The following TM2D1 variants were observed in gnomAD, a reference collection of about 807,000 sequenced individuals.
The protein encoded by TM2D1 is TM2 domain containing 1, also known as TM2 domain-containing protein 1.
A neutral mutation model predicts 28.4 loss-of-function variants in TM2D1; 15 were observed. The ratio of observed to expected loss-of-function variants is 0.53; its 90% CI spans 0.35 to 0.81. The LOEUF (loss-of-function observed/expected upper bound fraction) is 0.81. Among genes scored for constraint, TM2D1 ranks in the 40% least tolerant of loss-of-function variants. TM2D1 has a pLI of 0.01. For missense variants in TM2D1, 236 were observed against 254.9 expected, an observed-to-expected ratio of 0.93 and a Z score of 0.50; for synonymous variants, 93 against 96.2, an observed-to-expected ratio of 0.97 and a Z score of 0.20.
chr1:61,723,724 T>C lies in TM2D1; in HGVS notation c.227A>G (p.Tyr76Cys). 1 of 1,545,144 alleles carries C rather than the reference T, an allele frequency of 6.5e-7. No homozygotes were observed. Among genetic ancestry groups the C allele is most frequent in the Non-Finnish European group, 8.8e-7 (1 of 1,135,980 alleles). The change falls in exon 2 of 7, where the codon TAC (tyrosine) becomes TGC (cysteine). Residue 76 changes from tyrosine (Y) to cysteine (C), a missense_variant. By Grantham distance (194) the Tyr-to-Cys change is radical (BLOSUM62 -2). Transcript: ENST00000606498. ...ATQEPVNCTN[Y>C]TAHVSCFPAP... ...TCTTGAAGTCTTACCATGAGCTGTG[T>C]AGTTTGTACAGTTAACTGGTTCTTG...
chr1:61,719,260 G>C (rs1413977074), intron 2 of TM2D1, among the ~76,000 whole-genome samples: 1 of 152,070 alleles, frequency 6.6e-6, no homozygotes, highest in Non-Finnish European at 1.5e-5. Flanking sequence ...ACATAGCCCA[G>C]GCTGGTCTAG....
At chr1:61,704,611 C>T (rs1644427757) in intron 3 of TM2D1, among the ~76,000 whole-genome samples, 1 of 151,450 alleles carries the variant, frequency 6.6e-6, no homozygotes, top group African/African-American at 2.4e-5. Context: ...TTTGTATTTT[C>T]AGTAGAGACA....
At chr1:61,687,841 A>T (rs965566164) in intron 5 of TM2D1, among the ~76,000 whole-genome samples, 4 of 152,222 alleles carry the variant, frequency 2.6e-5, no homozygotes, top group Non-Finnish European at 4.4e-5. Context: ...ATCTGGTGAT[A>T]AAAGTAAAAG....
intron 5 of TM2D1, among the ~76,000 whole-genome samples, chr1:61,691,932 A>AAATATAT: frequency 3.9e-5 from 3 of 76,414 alleles, no homozygotes; most frequent in African/African-American, 9.5e-5. Context: ...AAAAAAAAAA[A>AAATATAT]ATATATATAT....
rs74076138 is a variant in TM2D1, at chr1:61,694,869, C to T, written c.440-99G>A. On this transcript the variant is annotated intron_variant, in intron 4 of 6. Transcript: ENST00000606498. ...AAACCATTATTATATATATATATCA[C>T]ACTCTTTATATCAAGAACATAAAAG... is the stretch of plus-strand genomic sequence containing the variant. The T allele has an allele frequency of 5.3e-3, 3,110 of 584,136 alleles. 79 individuals are homozygous for T. In the African/African-American group the frequency reaches 0.054, roughly 10 times the overall value. The allele number at this position is 584,136 out of a possible 1,614,324, so 36.2% of individuals were successfully genotyped here. A position where few individuals can be genotyped will look rare whatever the true frequency, so the allele number is the denominator to read the frequency against.
At chr1:61,721,322 A>C (rs1570132420) in intron 2 of TM2D1, among the ~76,000 whole-genome samples, 1 of 152,066 alleles carries the variant, frequency 6.6e-6, no homozygotes, top group Non-Finnish European at 1.5e-5. Context: ...CAGGTGGATC[A>C]CCTGAGGTCA....
chr1:61,696,080 T>G (rs566361651), intron 4 of TM2D1: 74 of 152,334 alleles, frequency 4.9e-4, no homozygotes, highest in African/African-American at 1.8e-3. Flanking sequence ...TAAAAACTCC[T>G]TTAGTTTTTT....
At chr1:61,701,799 C>G (rs1644403684) in intron 3 of TM2D1, among the ~76,000 whole-genome samples, 1 of 151,914 alleles carries the variant, frequency 6.6e-6, no homozygotes, top group Admixed American at 6.6e-5. Context: ...ATCTAATGGG[C>G]AGTAACAGTG....
chr1:61,708,852 A>C (rs1409213973), intron 3 of TM2D1, among the ~76,000 whole-genome samples: 2 of 150,976 alleles, frequency 1.3e-5, no homozygotes, highest in Admixed American at 6.6e-5. Context: ...GGTGAATTGC[A>C]TTTATAAAAA....
chr1:61,685,448 C>T (rs1320690523), intron 5 of TM2D1, among the ~76,000 whole-genome samples: 3 of 152,108 alleles, frequency 2.0e-5, no homozygotes, highest in Non-Finnish European at 4.4e-5. Context: ...AAGGACATTG[C>T]TATAAAGCAT....
chr1:61,717,713 A>T (rs554026253), intron 2 of TM2D1, among the ~76,000 whole-genome samples: 2 of 152,280 alleles, frequency 1.3e-5, no homozygotes, highest in East Asian at 3.9e-4. Flanking sequence ...AGCCAGGATT[A>T]CAGGCACACA....
chr1:61,707,451 A>C (rs1192722168), intron 3 of TM2D1, among the ~76,000 whole-genome samples: 1 of 152,144 alleles, frequency 6.6e-6, no homozygotes, highest in Non-Finnish European at 1.5e-5. Context: ...TCAACAGATG[A>C]TTTTCTTACT....
chr1:61,700,852 C>A (rs1644395544), intron 4 of TM2D1, 82 bp downstream of exon 4: 1 of 981,798 alleles, frequency 1.0e-6, no homozygotes, highest in Non-Finnish European at 1.5e-6. Flanking sequence ...AATAAATACA[C>A]AGAGATTTAA....
chr1:61,699,519 C>T lies in TM2D1; in HGVS notation c.439+1415G>A, dbSNP rs575673958. Reference sequence around the variant, plus strand: ...CACCTCCTGCATTGTTCTTCCTACACGATCAGCTAAATTGTCCCCTAATCT... The same window carrying T: ...CACCTCCTGCATTGTTCTTCCTACATGATCAGCTAAATTGTCCCCTAATCT... On this transcript the variant is annotated intron_variant, in intron 4 of 6. Transcript: ENST00000606498. 2.0e-5 allele frequency: 3 copies of T among 152,358 alleles called. No individual in the cohort carries two copies. The East Asian group carries it at 5.8e-4, about 29-fold the overall frequency. The allele number at this position is 152,358 out of a possible 1,614,324, so 9.4% of individuals were successfully genotyped here.
chr1:61,690,185 A>T (rs149491512), intron 5 of TM2D1, among the ~76,000 whole-genome samples: 11 of 152,300 alleles, frequency 7.2e-5, no homozygotes, highest in Middle Eastern at 3.4e-3. Flanking sequence ...GGCCATGCAC[A>T]GTGGCTAATG....
chr1:61,710,495 T>TACAC (rs1327083759), intron 2 of TM2D1, among the ~76,000 whole-genome samples: 16 of 81,576 alleles, frequency 2.0e-4, no homozygotes, highest in African/African-American at 8.3e-4. Context: ...CACACACATA[T>TACAC]ACACACATAC....
In TM2D1 at chr1:61,710,489, CACAT is replaced by C. The variant is rs1261591877; in HGVS notation, c.239-1056_239-1053del. Among the ~76,000 whole-genome samples, 266 of 90,380 alleles carry C rather than the reference CACAT, an allele frequency of 2.9e-3. 1 individual carries two copies. The highest frequency in any genetic ancestry group is 0.027 in the East Asian group (54 of 2,000). The allele number at this position is 90,380 out of a possible 152,430, so 59.3% of individuals were successfully genotyped here. Reference sequence around the variant, plus strand: ...ATATATATATATACACACACACACACACATATACACACATACACACACACACACA... The same window carrying C: ...ATATATATATATACACACACACACACATACACACATACACACACACACACA... On this transcript the variant is annotated intron_variant, in intron 2 of 6. Coordinates refer to ENST00000606498, the MANE Select transcript of TM2D1 (RefSeq NM_032027.3).
chr1:61,718,892 A>T (rs576383074), intron 2 of TM2D1, among the ~76,000 whole-genome samples: 16 of 152,336 alleles, frequency 1.1e-4, no homozygotes, highest in Admixed American at 5.9e-4. Flanking sequence ...AACTAAATGT[A>T]AAATCTGATT....
At chr1:61,694,811 T>C (rs1393215710) in intron 4 of TM2D1, 41 bp from the exon 5 acceptor site, 1 of 1,349,650 alleles carries the variant, frequency 7.4e-7, no homozygotes, top group Non-Finnish European at 1.0e-6. Context: ...TGGAAGGTCT[T>C]CTAAATATTA....
Sources: allele counts gnomAD v4.1 joint callset (sites outside exome capture counted in the v4.1 genomes callset), GRCh38; gene constraint gnomAD v4.1.1; transcripts MANE v1.5; gene names NCBI Gene and HGNC (gene_info 2026-07-23, HGNC 2026-07-21).